TTC39B: variants seen among roughly 807,000 people sequenced by gnomAD.
The protein encoded by TTC39B is tetratricopeptide repeat protein 39B.
TTC39B carries 92 observed loss-of-function variants against 96.6 expected under a neutral mutation model. The ratio of observed to expected loss-of-function variants is 0.95; its 90% CI spans 0.80 to 1.13. The LOEUF is 1.13. TTC39B is among the 50% of genes most tolerant of loss of function. The pLI, the probability that TTC39B is intolerant of heterozygous loss-of-function variation, is 0.00. For missense variants in TTC39B, 955 were observed against 809.3 expected (o/e 1.18, Z -2.18); for synonymous variants, 367 against 299.4 (o/e 1.23, Z -2.33).
At position 15,252,973 on chromosome 9, in the gene TTC39B, C is replaced by T. The variant is rs761795581; in HGVS notation, c.275+14941G>A. Among the ~76,000 whole-genome samples, 12 of 152,210 alleles carry T rather than the reference C, an allele frequency of 7.9e-5. No individual in the cohort carries two copies. The East Asian group carries it at 1.2e-3, about 15-fold the overall frequency. On this transcript the variant is annotated intron_variant, in intron 2 of 19. Coordinates refer to ENST00000512701, the Ensembl canonical transcript of TTC39B. ...AAACAGTTATATAAAAGGAACTTTT[C>T]GAAAATTATAAATACCCTGTAATCT...
At chr9:15,212,977 T>G (rs1173852482) in intron 4 of TTC39B, among the ~76,000 whole-genome samples, 1 of 152,194 alleles carries the variant, frequency 6.6e-6, no homozygotes, top group East Asian at 1.9e-4. Flanking sequence ...TTATAAATGT[T>G]CCTGACACTA....
At chr9:15,171,992 G>A in exon 20 of TTC39B, 1 of 1,567,610 alleles carries the variant, frequency 6.4e-7, no homozygotes, top group East Asian at 2.2e-5. Context: ...TGCTAATTGA[G>A]GAAAAATTCC....
intron 1 of TTC39B, among the ~76,000 whole-genome samples, chr9:15,272,700 C>T (rs1456257314): frequency 6.6e-6 from 1 of 152,194 alleles, no homozygotes; most frequent in Non-Finnish European, 1.5e-5. Flanking sequence ...AAGCACCATT[C>T]TATTCTTTAT....
chr9:15,267,230 TGA>T (rs112121716), intron 2 of TTC39B, among the ~76,000 whole-genome samples: 2 of 152,346 alleles, frequency 1.3e-5, no homozygotes, highest in African/African-American at 4.8e-5. Flanking sequence ...TCCAAAATTG[TGA>T]GAAAATAAAT....
chr9:15,278,097 G>A lies in TTC39B; in HGVS notation c.241-10149C>T, dbSNP rs183431414. Among the ~76,000 whole-genome samples the A allele has an allele frequency of 1.4e-4, 21 of 152,204 alleles. No homozygotes were observed. The East Asian group carries it at 1.5e-3, about 11-fold the overall frequency. Reference sequence around the variant, plus strand: ...GAAATGAAAAGGTTAATTAATTATCGGTTATTTAATTTATGGAGGTGGGAA... The same window carrying A: ...GAAATGAAAAGGTTAATTAATTATCAGTTATTTAATTTATGGAGGTGGGAA... On this transcript the variant is annotated intron_variant, in intron 1 of 19. Transcript: ENST00000512701.
intron 2 of TTC39B, among the ~76,000 whole-genome samples, chr9:15,253,577 T>C (rs543215368): frequency 6.6e-6 from 1 of 152,376 alleles, no homozygotes; most frequent in Non-Finnish European, 1.5e-5. Context: ...TTTTAATCTG[T>C]TATAGCAGCC....
intron 2 of TTC39B, among the ~76,000 whole-genome samples, chr9:15,262,447 G>C (rs1822980134): frequency 6.6e-6 from 1 of 152,104 alleles, no homozygotes; most frequent in Non-Finnish European, 1.5e-5. Context: ...TAACATTTTT[G>C]TACATCTCTA....
chr9:15,211,355 A>AATGGTACTGTAGCCCAAGGC lies in TTC39B; in HGVS notation c.505_524dup (p.Ile175MetfsTer15). The AATGGTACTGTAGCCCAAGGC allele has an allele frequency of 1.3e-6, 2 of 1,597,848 alleles. No homozygotes were observed. The highest frequency in any genetic ancestry group is 1.7e-6 in the Non-Finnish European group (2 of 1,173,054). The stretch of plus-strand genomic sequence containing the variant: ...AGGTCAGGACAGCCTGCAACACCAC[A>AATGGTACTGTAGCCCAAGGC]ATGGTACTGTAGCCCAAGGCATGGT... On this transcript the variant is annotated frameshift_variant, in exon 5 of 20. Coordinates refer to ENST00000512701, the Ensembl canonical transcript of TTC39B. LOFTEE classifies it high-confidence loss of function.
intron 6 of TTC39B, among the ~76,000 whole-genome samples, chr9:15,204,523 C>G (rs1428012848): frequency 6.7e-6 from 1 of 149,900 alleles, no homozygotes. Context: ...GAGTGAAACT[C>G]CATCTCAAAA....
intron 2 of TTC39B, among the ~76,000 whole-genome samples, chr9:15,265,885 T>C (rs1423550191): frequency 6.6e-6 from 1 of 152,110 alleles, no homozygotes; most frequent in African/African-American, 2.4e-5. Flanking sequence ...ACAAAATAAC[T>C]GACAGTACTC....
chr9:15,215,497 C>T (rs969612724), intron 3 of TTC39B, among the ~76,000 whole-genome samples: 1 of 151,298 alleles, frequency 6.6e-6, no homozygotes, highest in African/African-American at 2.4e-5. Flanking sequence ...GTGGAGGTTG[C>T]AATGAGCCAA....
exon 20 of TTC39B, chr9:15,164,928 G>T (rs920063386): frequency 3.3e-5 from 5 of 152,156 alleles, no homozygotes; most frequent in Admixed American, 2.6e-4. Flanking sequence ...AACAGCCTAA[G>T]ATTTAAAATG....
At chr9:15,226,734 G>C (rs1252029235) in intron 2 of TTC39B, among the ~76,000 whole-genome samples, 1 of 152,198 alleles carries the variant, frequency 6.6e-6, no homozygotes, top group Non-Finnish European at 1.5e-5. Context: ...TTGCCTTGCA[G>C]AATCTTCGGC....
At chr9:15,290,186 T>G (rs1397006632) in intron 1 of TTC39B, among the ~76,000 whole-genome samples, 1 of 152,200 alleles carries the variant, frequency 6.6e-6, no homozygotes, top group East Asian at 1.9e-4. Context: ...ATGATAGAAA[T>G]GTTCTTAAAT....
In TTC39B at chr9:15,283,208, C is replaced by T. The variant is rs143157062; in HGVS notation, c.241-15260G>A. ...TACACTAATGTGTTTATTTATGTATCAAGTGGAATATCACTAAAGACAGAA... is the reference window on the plus strand; with the variant it reads ...TACACTAATGTGTTTATTTATGTATTAAGTGGAATATCACTAAAGACAGAA... On this transcript the variant is annotated intron_variant, in intron 1 of 19. Coordinates refer to ENST00000512701, the Ensembl canonical transcript of TTC39B. 2.4e-3 allele frequency among the ~76,000 whole-genome samples: 365 copies of T among 152,216 alleles called. 1 individual carries two copies. Among genetic ancestry groups the T allele is most frequent in the African/African-American group, 8.2e-3 (340 of 41,544 alleles).
At chr9:15,288,538 C>G (rs1201159673) in intron 1 of TTC39B, among the ~76,000 whole-genome samples, 2 of 152,132 alleles carry the variant, frequency 1.3e-5, no homozygotes, top group African/African-American at 4.8e-5. Context: ...CCCACTCCAT[C>G]CCCCTTCCAG....
Position 15,211,405 on chromosome 9 carries a change from G to T in TTC39B, c.483-8C>A. On this transcript the variant is annotated splice_region_variant and splice_polypyrimidine_tract_variant and intron_variant, in intron 4 of 19. Transcript: ENST00000512701. ...TACATACTCTCCTTAGCCCTGGGAA[G>T]AACACAGGGAATTCAGACATTTTAA... 6.8e-7 allele frequency: 1 copy of T among 1,470,928 alleles called. No individual in the cohort carries two copies. The highest frequency in any genetic ancestry group is 9.0e-7 in the Non-Finnish European group (1 of 1,109,142). 91.1% of individuals were successfully genotyped at this position (1,470,928 alleles called of 1,614,324 possible).
At chr9:15,196,681 C>T (rs570686285) in intron 8 of TTC39B, among the ~76,000 whole-genome samples, 7 of 152,086 alleles carry the variant, frequency 4.6e-5, no homozygotes, top group African/African-American at 9.7e-5. Flanking sequence ...GGTAAAGATG[C>T]CACAAACATT....
intron 6 of TTC39B, among the ~76,000 whole-genome samples, chr9:15,205,314 T>C (rs756309363): frequency 1.3e-5 from 2 of 152,078 alleles, no homozygotes; most frequent in African/African-American, 4.8e-5. Context: ...AAATAGGGTA[T>C]TTCTTATTAT....
Sources: allele counts gnomAD v4.1 joint callset (sites outside exome capture counted in the v4.1 genomes callset), GRCh38; gene constraint gnomAD v4.1.1; transcripts MANE v1.5; gene names NCBI Gene and HGNC (gene_info 2026-07-23, HGNC 2026-07-21).